ZNF462: variants seen among roughly 807,000 people sequenced by gnomAD.
ZNF462 encodes zinc finger PBX1-interacting protein.
In ZNF462, 10 loss-of-function variants were observed where a neutral mutation model predicts 201.9. The observed-to-expected ratio is 0.05, with a 90% CI of 0.03 to 0.08. The LOEUF (loss-of-function observed/expected upper bound fraction) is 0.08, where lower values mean the gene tolerates loss of function less well. Among genes scored for constraint, ZNF462 ranks in the 10% least tolerant of loss-of-function variants. The pLI is 1.00. For missense variants in ZNF462, 2,523 were observed against 3,168.3 expected (o/e 0.80, Z 4.89); for synonymous variants, 1,227 against 1,193.3 (o/e 1.03, Z -0.58).
Position 106,932,343 on chromosome 9 carries a change from G to T in ZNF462, c.6013-103G>T, listed in dbSNP as rs748023016. The T allele has an allele frequency of 5.7e-6, 9 of 1,575,046 alleles. No individual in the cohort carries two copies. Among genetic ancestry groups the T allele is most frequent in the Non-Finnish European group, 7.8e-6 (9 of 1,159,968 alleles). Reference sequence around the variant, plus strand: ...ACGCCAGTGGCGCCCTGGTGGGCCGGGTGGATGGTGAACACTGCTTGCTTG... The same window carrying T: ...ACGCCAGTGGCGCCCTGGTGGGCCGTGTGGATGGTGAACACTGCTTGCTTG... On this transcript the variant is annotated intron_variant, in intron 4 of 12. Transcript: ENST00000277225. The surrounding 1 kb of genome is among the most constrained non-coding windows in gnomAD (Gnocchi z 6.8).
intron 1 of ZNF462, among the ~76,000 whole-genome samples, chr9:106,887,416 C>G (rs2131004319): frequency 6.6e-6 from 1 of 152,270 alleles, no homozygotes; most frequent in Non-Finnish European, 1.5e-5. Flanking sequence ...ATAATTTGCC[C>G]AGGATAATAC....
At position 106,937,799 on chromosome 9, in the gene ZNF462, A is replaced by C. The variant is rs143095858; in HGVS notation, c.6236-1117A>C. 2.2e-3 allele frequency among the ~76,000 whole-genome samples: 328 copies of C among 152,312 alleles called. 2 individuals are homozygous for C. The highest frequency in any genetic ancestry group is 7.7e-3 in the African/African-American group (320 of 41,590). ...GAATAAAATAAATCATCAATAGGAT[A>C]TGCCCAGATTTACTTAATCTTTTCC... is the stretch of plus-strand genomic sequence containing the variant. On this transcript the variant is annotated intron_variant, in intron 6 of 12. Transcript: ENST00000277225.
intron 1 of ZNF462, among the ~76,000 whole-genome samples, chr9:106,915,071 C>T (rs758553269): frequency 1.2e-4 from 18 of 151,638 alleles, no homozygotes; most frequent in Non-Finnish European, 5.9e-5. Context: ...ACAAAATGAT[C>T]AAAGTAAGGG....
intron 7 of ZNF462, among the ~76,000 whole-genome samples, chr9:106,951,874 A>G (rs528970893): frequency 6.8e-6 from 1 of 147,674 alleles, no homozygotes; most frequent in African/African-American, 2.5e-5. Context: ...TTTCCAGTGG[A>G]ATTTTGGAGT....
rs557888801 is a variant in ZNF462 at position 106,952,463 on chromosome 9, G to A, written c.6427+13356G>A. On this transcript the variant is annotated intron_variant, in intron 7 of 12. Transcript: ENST00000277225. ...AAAAAAGGAAAAAATTTCACATCTA[G>A]CCTCAAGCTGAATGAAGTTTCCTTA... Among the ~76,000 whole-genome samples the A allele has an allele frequency of 3.9e-5, 6 of 152,266 alleles. No individual in the cohort carries two copies. In the East Asian group the frequency reaches 9.7e-4, roughly 25 times the overall value.
chr9:106,930,578 C>T lies in ZNF462; in HGVS notation c.5901C>T (p.Gly1967=), dbSNP rs1391458930. The stretch of plus-strand genomic sequence containing the variant: ...AGATCAAGGAGAGGAAAGTGGTGGG[C>T]TACAAATGTAAATTCTGTGTGGAAG... ...VPKIKERKVV[G]YKCKFCVEVH... Residue 1967 remains glycine, a synonymous_variant, in exon 4 of 13, where the codon GGC becomes GGT. Coordinates refer to ENST00000277225, the MANE Select transcript of ZNF462 (RefSeq NM_021224.6). This position sits in a 1 kb window ranked among gnomAD's most constrained non-coding sequence, Gnocchi z 5.8. The T allele has an allele frequency of 1.2e-6, 2 of 1,613,994 alleles. No homozygotes were observed. The highest frequency in any genetic ancestry group is 1.7e-6 in the Non-Finnish European group (2 of 1,180,032).
intron 10 of ZNF462, among the ~76,000 whole-genome samples, chr9:106,989,824 C>T (rs1225579664): frequency 1.3e-5 from 2 of 151,984 alleles, no homozygotes; most frequent in African/African-American, 2.4e-5. Flanking sequence ...AGTTTATGTG[C>T]GTAAAGGTGT....
chr9:106,975,560 A>G (rs764729972), intron 9 of ZNF462: 3 of 152,160 alleles, frequency 2.0e-5, no homozygotes, highest in Non-Finnish European at 4.4e-5. Context: ...AAGCTGGGAG[A>G]AGTATCATAG....
Position 106,970,261 on chromosome 9 carries a change from T to C in ZNF462, c.6428-1744T>C, listed in dbSNP as rs1826523997. ...GACATTGTTCAGGTTTCCTTTTGTT[T>C]TATTTTTGTGTGTGTGGCAGGTTTG... On this transcript the variant is annotated intron_variant, in intron 7 of 12. Coordinates refer to ENST00000277225, the MANE Select transcript of ZNF462 (RefSeq NM_021224.6). The surrounding 1 kb of genome is among the most constrained non-coding windows in gnomAD (Gnocchi z 4.2). Among the ~76,000 whole-genome samples, 2 of 152,160 alleles carry C rather than the reference T, an allele frequency of 1.3e-5. No homozygotes were observed. Among genetic ancestry groups the C allele is most frequent in the African/African-American group, 4.8e-5 (2 of 41,454 alleles).
At position 106,929,408 on chromosome 9, in the gene ZNF462, C is replaced by G. The variant is rs371470139; in HGVS notation, c.5496C>G (p.Ala1832=). 1 of 1,613,882 alleles carries G rather than the reference C, an allele frequency of 6.2e-7. No homozygotes were observed. Among genetic ancestry groups the G allele is most frequent in the Non-Finnish European group, 8.5e-7 (1 of 1,180,024 alleles). ...EEEERGNFEK[A]EVEGEAQEIE... is the part of the protein sequence containing the mutation. ...AGGAGAGAGGCAACTTTGAGAAAGC[C>G]GAGGTGGAGGGTGAAGCTCAGGAAA... is the stretch of plus-strand genomic sequence containing the variant. Residue 1832 remains alanine (A), a synonymous_variant, in exon 3 of 13, where the codon GCC becomes GCG. Transcript: ENST00000277225. The surrounding 1 kb of genome is among the most constrained non-coding windows in gnomAD (Gnocchi z 8.7).
intron 1 of ZNF462, among the ~76,000 whole-genome samples, chr9:106,900,150 G>A (rs1828995684): frequency 6.6e-6 from 1 of 151,216 alleles, no homozygotes; most frequent in African/African-American, 2.4e-5. Context: ...TCTTATCCAG[G>A]TCACTGCAAA....
intron 9 of ZNF462, among the ~76,000 whole-genome samples, chr9:106,983,737 G>A (rs1040078095): frequency 5.3e-5 from 8 of 152,182 alleles, no homozygotes; most frequent in Non-Finnish European, 1.0e-4. Context: ...GAACATAGGT[G>A]CCTGGTGAAT....
intron 7 of ZNF462, among the ~76,000 whole-genome samples, chr9:106,953,541 TCTC>T (rs1450803078): frequency 2.4e-4 from 37 of 152,280 alleles, no homozygotes; most frequent in African/African-American, 8.4e-4. Flanking sequence ...TGTTTCAGGC[TCTC>T]CTCCAGCCTC....
intron 1 of ZNF462, among the ~76,000 whole-genome samples, chr9:106,889,053 C>T (rs936875810): frequency 6.6e-6 from 1 of 152,188 alleles, no homozygotes; most frequent in African/African-American, 2.4e-5. Flanking sequence ...TCTGGATATG[C>T]TTTAACTTGC....
rs1404520332 is a variant in ZNF462 at position 106,872,463 on chromosome 9, A to G, written c.-31+9108A>G. ...AAGCAACTGCTGCCTCCCAGGTTCA[A>G]GCAATTCTCCTGACTCAGCCTCCCA... On this transcript the variant is annotated intron_variant, in intron 1 of 12. Coordinates refer to ENST00000277225, the MANE Select transcript of ZNF462 (RefSeq NM_021224.6). This position sits in a 1 kb window ranked among gnomAD's most constrained non-coding sequence, Gnocchi z 4.5. 6.6e-6 allele frequency among the ~76,000 whole-genome samples: 1 copy of G among 152,150 alleles called. No individual in the cohort carries two copies. Among genetic ancestry groups the G allele is most frequent in the East Asian group, 1.9e-4 (1 of 5,192 alleles).
chr9:106,934,928 A>G (rs1830568552), intron 5 of ZNF462, among the ~76,000 whole-genome samples: 1 of 152,182 alleles, frequency 6.6e-6, no homozygotes, highest in Admixed American at 6.5e-5. Flanking sequence ...TCCTTTAAAC[A>G]TGCATGCACT....
rs1041240625 is a variant in ZNF462 at position 106,930,387 on chromosome 9, A to G, written c.5848-138A>G. 1 of 1,139,572 alleles carries G rather than the reference A, an allele frequency of 8.8e-7. No homozygotes were observed. The highest frequency in any genetic ancestry group is 1.6e-5 in the African/African-American group (1 of 63,714). The allele number at this position is 1,139,572 out of a possible 1,614,324, so 70.6% of individuals were successfully genotyped here. ...TGATGCTGACAAATTTGTTATATAA[A>G]AATACTCGCCTATATCTCCCTTGGT... On this transcript the variant is annotated intron_variant, in intron 3 of 12. Transcript: ENST00000277225. The surrounding 1 kb of genome is among the most constrained non-coding windows in gnomAD (Gnocchi z 5.8).
chr9:106,936,430 C>T (rs887529880), intron 6 of ZNF462, among the ~76,000 whole-genome samples: 1 of 152,172 alleles, frequency 6.6e-6, no homozygotes, highest in Non-Finnish European at 1.5e-5. Context: ...TTCGCCAGCT[C>T]CTCATGCTCT....
intron 1 of ZNF462, among the ~76,000 whole-genome samples, chr9:106,864,527 C>T (rs1296542255): frequency 6.6e-6 from 1 of 152,100 alleles, no homozygotes; most frequent in Non-Finnish European, 1.5e-5. Context: ...TGCTTTGGTT[C>T]CAGTCCAGAC....
Sources: gnomAD v4.1 joint callset for allele counts (sites outside exome capture counted in the v4.1 genomes callset) on GRCh38, gnomAD v4.1.1 for gene constraint, Gnocchi (gnomAD v3.1) non-coding constraint, MANE v1.5 for transcripts, NCBI Gene and HGNC (gene_info 2026-07-23, HGNC 2026-07-21) for gene names.